Variants in CDH13 observed in about 807,000 individuals in gnomAD.
CDH13 encodes cadherin 13, also known as cadherin-13.
In CDH13, 24 loss-of-function variants were observed where a neutral mutation model predicts 63.8. The observed-to-expected ratio is 0.38, with a 90% CI of 0.27 to 0.53. The LOEUF (loss-of-function observed/expected upper bound fraction) is 0.53. CDH13 is among the 20% of genes least tolerant of loss of function. The pLI is 0.85. For missense variants in CDH13, 1,049 were observed against 903.1 expected (o/e 1.16, Z -2.07); for synonymous variants, 503 against 355.3 (o/e 1.42, Z -4.67).
At chr16:83,395,064 C>A (rs889146621) in intron 6 of CDH13, among the ~76,000 whole-genome samples, 8 of 151,468 alleles carry the variant, frequency 5.3e-5, no homozygotes, top group African/African-American at 1.9e-4. Context: ...AAGAGAATTG[C>A]CTGAACCCAG....
At position 83,795,209 on chromosome 16, in the gene CDH13, C is replaced by T; in HGVS notation, c.*179C>T. On this transcript the variant is annotated 3_prime_UTR_variant, in exon 14 of 14. Coordinates refer to ENST00000567109, the MANE Select transcript of CDH13 (RefSeq NM_001257.5). ...AGTCTGTACTTCATCATTTTGACAG[C>T]ATCTTCCTCCCTCCTTTAATTAATG... 1 of 551,646 alleles carries T rather than the reference C, an allele frequency of 1.8e-6. No individual in the cohort carries two copies. The highest frequency in any genetic ancestry group is 2.5e-5 in the South Asian group (1 of 39,298). The allele number at this position is 551,646 out of a possible 1,614,324, so 34.2% of individuals were successfully genotyped here.
chr16:82,928,702 A>G (rs1211622505), intron 2 of CDH13, among the ~76,000 whole-genome samples: 1 of 152,224 alleles, frequency 6.6e-6, no homozygotes, highest in Non-Finnish European at 1.5e-5. Flanking sequence ...ACAGATTTGA[A>G]TGGATAAACA....
intron 8 of CDH13, among the ~76,000 whole-genome samples, chr16:83,622,371 G>A (rs555839374): frequency 3.2e-4 from 48 of 152,232 alleles, no homozygotes; most frequent in Admixed American, 2.6e-3. Flanking sequence ...ATGGGATTCC[G>A]AAATGAGAGA....
intron 2 of CDH13, among the ~76,000 whole-genome samples, chr16:82,908,007 A>G (rs574596205): frequency 4.6e-5 from 7 of 152,302 alleles, no homozygotes; most frequent in African/African-American, 1.7e-4. Flanking sequence ...GGAAAGGTAC[A>G]TGTTCTACCT....
chr16:83,049,325 CTTTTTTTTTTTT>C (rs34082309), intron 3 of CDH13, among the ~76,000 whole-genome samples: 1 of 126,102 alleles, frequency 7.9e-6, no homozygotes, highest in Non-Finnish European at 1.6e-5. Flanking sequence ...TGACTGGCCT[CTTTTTTTTTTTT>C]TTTTTTTTTG....
intron 2 of CDH13, among the ~76,000 whole-genome samples, chr16:82,955,266 A>C (rs1905899776): frequency 6.6e-6 from 1 of 152,218 alleles, no homozygotes; most frequent in African/African-American, 2.4e-5. Flanking sequence ...CCTGCCTTAC[A>C]CTGTTTGGCA....
intron 8 of CDH13, among the ~76,000 whole-genome samples, chr16:83,623,313 C>T (rs373201401): frequency 3.9e-5 from 6 of 152,302 alleles, no homozygotes; most frequent in East Asian, 1.9e-4. Flanking sequence ...TCACGATTAA[C>T]GGGCTCTCTT....
chr16:83,571,827 A>G (rs1367955046), intron 7 of CDH13, among the ~76,000 whole-genome samples: 2 of 152,192 alleles, frequency 1.3e-5, no homozygotes, highest in East Asian at 1.9e-4. Flanking sequence ...TGAGCTAGAA[A>G]CTACCTACCA....
chr16:83,070,965 A>C (rs751969164), intron 3 of CDH13, among the ~76,000 whole-genome samples: 2 of 150,856 alleles, frequency 1.3e-5, no homozygotes, highest in Non-Finnish European at 3.0e-5. Flanking sequence ...CAGTCATGCC[A>C]CATGAGGTCA....
chr16:83,330,556 G>A (rs2090458553), intron 5 of CDH13, among the ~76,000 whole-genome samples: 2 of 152,186 alleles, frequency 1.3e-5, no homozygotes. Flanking sequence ...TGGGTCCCAA[G>A]GGACATGGCA....
At chr16:82,774,775 C>T (rs918557317) in intron 1 of CDH13, among the ~76,000 whole-genome samples, 2 of 152,116 alleles carry the variant, frequency 1.3e-5, no homozygotes, top group Non-Finnish European at 2.9e-5. Flanking sequence ...AGCCTGTGAG[C>T]GGGTTTAATT....
chr16:83,398,675 C>G (rs992322856), intron 6 of CDH13, among the ~76,000 whole-genome samples: 6 of 152,162 alleles, frequency 3.9e-5, no homozygotes, highest in Admixed American at 2.6e-4. Context: ...GTACTTCTAA[C>G]ATGTTCACAG....
intron 2 of CDH13, among the ~76,000 whole-genome samples, chr16:82,926,734 C>T (rs898671727): frequency 2.6e-5 from 4 of 152,206 alleles, no homozygotes; most frequent in Non-Finnish European, 5.9e-5. Context: ...AACCTCTGAG[C>T]AGTGTGAGGC....
chr16:83,056,356 A>G (rs1342100402), intron 3 of CDH13, among the ~76,000 whole-genome samples: 1 of 152,194 alleles, frequency 6.6e-6, no homozygotes, highest in Non-Finnish European at 1.5e-5. Context: ...AAGAAAGTCC[A>G]GAATAACACT....
At chr16:82,727,107 T>C (rs1254385486) in intron 1 of CDH13, among the ~76,000 whole-genome samples, 2 of 152,020 alleles carry the variant, frequency 1.3e-5, no homozygotes, top group Non-Finnish European at 2.9e-5. Flanking sequence ...GGTGGTGGGG[T>C]TACAAGATGC....
At chr16:83,324,044 T>TC (rs927201097) in intron 5 of CDH13, among the ~76,000 whole-genome samples, 3 of 151,360 alleles carry the variant, frequency 2.0e-5, no homozygotes, top group Admixed American at 1.3e-4. Flanking sequence ...CTTCTTCTTT[T>TC]TTTTTTTTTT....
At chr16:82,907,659 T>C (rs979457452) in intron 2 of CDH13, among the ~76,000 whole-genome samples, 2 of 152,182 alleles carry the variant, frequency 1.3e-5, no homozygotes, top group Non-Finnish European at 2.9e-5. Flanking sequence ...TTGCCTCACA[T>C]TGATTTTCTG....
chr16:82,828,897 C>G (rs759906175), intron 1 of CDH13, among the ~76,000 whole-genome samples: 2 of 151,990 alleles, frequency 1.3e-5, no homozygotes, highest in Non-Finnish European at 2.9e-5. Flanking sequence ...GAGAAAAATC[C>G]TGGAATCAGT....
At chr16:83,380,669 C>A (rs1397009173) in intron 6 of CDH13, among the ~76,000 whole-genome samples, 1 of 152,148 alleles carries the variant, frequency 6.6e-6, no homozygotes, top group Non-Finnish European at 1.5e-5. Flanking sequence ...CTCAAGGTGG[C>A]TGATTGGAGC....
Sources: gnomAD v4.1 joint callset for allele counts (sites outside exome capture counted in the v4.1 genomes callset) on GRCh38, gnomAD v4.1.1 for gene constraint, MANE v1.5 for transcripts, NCBI Gene and HGNC (gene_info 2026-07-23, HGNC 2026-07-21) for gene names.